FHOD3: variants seen among roughly 807,000 people sequenced by gnomAD.
The protein encoded by FHOD3 is formin homology 2 domain containing 3, also known as FH1/FH2 domain-containing protein 3.
In FHOD3, 90 loss-of-function variants were observed where a neutral mutation model predicts 173.0. That is an observed-to-expected ratio of 0.52 (90% CI 0.44 to 0.62). The LOEUF (loss-of-function observed/expected upper bound fraction) is 0.62, where lower values mean the gene tolerates loss of function less well. Among genes scored for constraint, FHOD3 ranks in the 20% least tolerant of loss-of-function variants. FHOD3 has a pLI of 0.00. For missense variants in FHOD3, 1,945 were observed against 2,034.7 expected (o/e 0.96, Z 0.85); for synonymous variants, 828 against 823.0 (o/e 1.01, Z -0.10).
intron 3 of FHOD3, among the ~76,000 whole-genome samples, chr18:36,470,886 C>T (rs955608160): frequency 3.3e-5 from 5 of 152,204 alleles, no homozygotes; most frequent in African/African-American, 9.6e-5. Context: ...GTAAGTAACC[C>T]GCAGCTTCGC....
intron 3 of FHOD3, among the ~76,000 whole-genome samples, chr18:36,421,839 T>C (rs546136273): frequency 2.0e-4 from 31 of 152,070 alleles, no homozygotes; most frequent in Non-Finnish European, 3.2e-4. Context: ...CAGTCTATAG[T>C]GTGGGGGAGT....
At chr18:36,459,019 G>A (rs1206389516) in intron 3 of FHOD3, among the ~76,000 whole-genome samples, 1 of 152,162 alleles carries the variant, frequency 6.6e-6, no homozygotes, top group African/African-American at 2.4e-5. Context: ...CAGCAGCCTG[G>A]AGTTTAGTGA....
Position 36,515,641 on chromosome 18 carries a change from T to C in FHOD3, c.511+3098T>C, listed in dbSNP as rs78139996. ...CCGTCAACCACCTGCTGCTTCTGTT[T>C]TCTAGCTTTTCTGCCTGCCCTTCTA... On this transcript the variant is annotated intron_variant, in intron 5 of 28. Transcript: ENST00000590592. Among the ~76,000 whole-genome samples, 1,401 of 152,310 alleles carry C rather than the reference T, an allele frequency of 9.2e-3. 18 individuals carry two copies. Among genetic ancestry groups the C allele is most frequent in the African/African-American group, 0.031 (1,298 of 41,570 alleles).
intron 10 of FHOD3, among the ~76,000 whole-genome samples, chr18:36,627,987 A>T (rs1186082256): frequency 6.6e-6 from 1 of 152,174 alleles, no homozygotes; most frequent in Non-Finnish European, 1.5e-5. Flanking sequence ...TTATAGCAAC[A>T]TGCCTTCAGA....
chr18:36,320,160 C>CA (rs1197566533), intron 1 of FHOD3, among the ~76,000 whole-genome samples: 3 of 151,750 alleles, frequency 2.0e-5, no homozygotes, highest in Admixed American at 2.0e-4. Flanking sequence ...GATAGAGACA[C>CA]AAAAAACCCT....
intron 10 of FHOD3, among the ~76,000 whole-genome samples, chr18:36,637,876 T>C (rs1028071026): frequency 1.3e-5 from 2 of 152,182 alleles, no homozygotes; most frequent in African/African-American, 4.8e-5. Context: ...ACGTCTACTT[T>C]TGGATGATTT....
At chr18:36,651,321 G>A (rs2036035509) in intron 11 of FHOD3, among the ~76,000 whole-genome samples, 2 of 152,118 alleles carry the variant, frequency 1.3e-5, no homozygotes, top group Non-Finnish European at 2.9e-5. Flanking sequence ...CTCTGAGAGA[G>A]GACTGGAAAA....
intron 27 of FHOD3, among the ~76,000 whole-genome samples, chr18:36,767,574 C>T (rs546451199): frequency 6.6e-6 from 1 of 152,278 alleles, no homozygotes; most frequent in Non-Finnish European, 1.5e-5. Context: ...CCCGCCTCAG[C>T]CTCCCAAAGT....
At chr18:36,407,936 A>G (rs2049149601) in intron 3 of FHOD3, among the ~76,000 whole-genome samples, 1 of 152,252 alleles carries the variant, frequency 6.6e-6, no homozygotes, top group South Asian at 2.1e-4. Context: ...TTCAAGCTGC[A>G]CAATCCTTTC....
At chr18:36,304,843 T>C (rs1274022050) in intron 1 of FHOD3, among the ~76,000 whole-genome samples, 1 of 152,210 alleles carries the variant, frequency 6.6e-6, no homozygotes, top group African/African-American at 2.4e-5. Context: ...GTGATAACAA[T>C]ATATAAAGGC....
intron 3 of FHOD3, among the ~76,000 whole-genome samples, chr18:36,378,891 G>T (rs1211331893): frequency 6.6e-6 from 1 of 152,054 alleles, no homozygotes; most frequent in Non-Finnish European, 1.5e-5. Flanking sequence ...CACCATGTTG[G>T]CCAGGCTGGT....
intron 3 of FHOD3, among the ~76,000 whole-genome samples, chr18:36,476,415 C>G (rs892167962): frequency 3.9e-5 from 6 of 152,204 alleles, no homozygotes; most frequent in Non-Finnish European, 8.8e-5. Flanking sequence ...GCCTGTTAGG[C>G]TGCACCAGGC....
At chr18:36,388,925 G>A (rs1295523990) in intron 3 of FHOD3, among the ~76,000 whole-genome samples, 1 of 152,212 alleles carries the variant, frequency 6.6e-6, no homozygotes, top group African/African-American at 2.4e-5. Flanking sequence ...TGCCCTGGGG[G>A]CTGGGCTCTC....
chr18:36,430,127 T>C (rs1459079256), intron 3 of FHOD3, among the ~76,000 whole-genome samples: 2 of 152,228 alleles, frequency 1.3e-5, no homozygotes, highest in Non-Finnish European at 2.9e-5. Context: ...TATAGGACTA[T>C]GTCAGCCCCT....
intron 5 of FHOD3, among the ~76,000 whole-genome samples, chr18:36,572,089 A>T (rs957679947): frequency 6.6e-6 from 1 of 152,190 alleles, no homozygotes; most frequent in African/African-American, 2.4e-5. Flanking sequence ...TGCAAAATAG[A>T]TAGTATGGTA....
At position 36,658,196 on chromosome 18, in the gene FHOD3, C is replaced by G. The variant is rs764871748; in HGVS notation, c.1835+8C>G. 1.7e-5 allele frequency: 27 copies of G among 1,561,482 alleles called. No individual in the cohort carries two copies. The East Asian group carries it at 6.6e-4, about 38-fold the overall frequency. On this transcript the variant is annotated splice_region_variant and intron_variant, in intron 14 of 28. Coordinates refer to ENST00000590592, the MANE Select transcript of FHOD3 (RefSeq NM_001281740.3). ...GGAGGCCAGGTTGGAAAGGTGAGTT[C>G]GACAAGCACGCTGATAGCTTCACAG...
chr18:36,333,341 C>T (rs2045122515), intron 1 of FHOD3, among the ~76,000 whole-genome samples: 1 of 152,194 alleles, frequency 6.6e-6, no homozygotes, highest in Non-Finnish European at 1.5e-5. Flanking sequence ...GACCTGCCGA[C>T]ATGGAGGGGT....
At chr18:36,361,440 C>T (rs1264244864) in intron 2 of FHOD3, among the ~76,000 whole-genome samples, 2 of 152,008 alleles carry the variant, frequency 1.3e-5, no homozygotes, top group African/African-American at 4.8e-5. Context: ...AATCCCAGCA[C>T]TTTGGGAGGC....
At chr18:36,464,529 G>A (rs958899600) in intron 3 of FHOD3, among the ~76,000 whole-genome samples, 3 of 152,170 alleles carry the variant, frequency 2.0e-5, no homozygotes, top group African/African-American at 7.2e-5. Flanking sequence ...GCCCAGTCAA[G>A]GAAACTTGGG....
Sources: allele counts gnomAD v4.1 joint callset (sites outside exome capture counted in the v4.1 genomes callset), GRCh38; gene constraint gnomAD v4.1.1; transcripts MANE v1.5; gene names NCBI Gene and HGNC (gene_info 2026-07-23, HGNC 2026-07-21).